The following GBX1 variants were observed in gnomAD, a reference collection of about 807,000 sequenced individuals.
GBX1 encodes the protein homeobox protein GBX-1.
A neutral mutation model predicts 22.9 loss-of-function variants in GBX1; 9 were observed. The observed-to-expected ratio is 0.39, with a 90% CI of 0.24 to 0.69. The LOEUF (loss-of-function observed/expected upper bound fraction) is 0.69, where lower values mean the gene tolerates loss of function less well. Among genes scored for constraint, GBX1 ranks in the 30% least tolerant of loss-of-function variants. The pLI, the probability that GBX1 is intolerant of heterozygous loss-of-function variation, is 0.43. For synonymous variants in GBX1, 203 were observed against 227.3 expected, an observed-to-expected ratio of 0.89 and a Z score of 0.96; for missense variants, 494 against 509.2, an observed-to-expected ratio of 0.97 and a Z score of 0.29.
In GBX1 at chr7:151,167,000, C is replaced by G; in HGVS notation, c.538+11G>C. 6.2e-7 allele frequency: 1 copy of G among 1,605,606 alleles called. No individual in the cohort carries two copies. Among genetic ancestry groups the G allele is most frequent in the Non-Finnish European group, 8.5e-7 (1 of 1,177,266 alleles). On this transcript the variant is annotated intron_variant, in intron 1 of 1. Coordinates refer to ENST00000297537, the MANE Select transcript of GBX1 (RefSeq NM_001098834.3). Reference sequence around the variant, plus strand: ...GGCCTCCCGCCAGCCCTGGTCGGCCCTAGCACTTACCGGGCAGACTTGGAA... The same window carrying G: ...GGCCTCCCGCCAGCCCTGGTCGGCCGTAGCACTTACCGGGCAGACTTGGAA...
At chr7:151,155,197 C>T (rs1342557186) in intron 1 of GBX1, among the ~76,000 whole-genome samples, 6 of 152,320 alleles carry the variant, frequency 3.9e-5, no homozygotes, top group Admixed American at 2.0e-4. Context: ...TCTCCTGGTC[C>T]GCCCATCTTA....
intron 1 of GBX1, among the ~76,000 whole-genome samples, chr7:151,166,488 A>ACCCC (rs1491154351): frequency 4.4e-4 from 22 of 50,332 alleles, no homozygotes; most frequent in African/African-American, 9.3e-4. Flanking sequence ...CCCCCCCCCA[A>ACCCC]CACACACACA....
At chr7:151,152,954 A>C (rs1300766683) in intron 1 of GBX1, among the ~76,000 whole-genome samples, 3 of 152,212 alleles carry the variant, frequency 2.0e-5, no homozygotes, top group Non-Finnish European at 4.4e-5. Flanking sequence ...GGGGTGGGAC[A>C]ATAGAAGAAA....
At chr7:151,154,639 CT>C (rs1222906984) in intron 1 of GBX1, among the ~76,000 whole-genome samples, 1 of 152,108 alleles carries the variant, frequency 6.6e-6, no homozygotes, top group Non-Finnish European at 1.5e-5. Context: ...TGCTATTATC[CT>C]AAAAACTAGA....
Position 151,149,057 on chromosome 7 carries a change from G to A in GBX1, c.624C>T (p.Gly208=). The part of the protein sequence containing the change: ...DPAGSEQEEE[G]SGGDSEDDGF... ...CGTCATCCTCGCTGTCACCGCCTGA[G>A]CCCTCTTCCTCCTGTTCGCTGCCTG... Residue 208 remains glycine, a synonymous_variant, in exon 2 of 2, where the codon GGC becomes GGT. Coordinates refer to ENST00000297537, the MANE Select transcript of GBX1 (RefSeq NM_001098834.3). 6.2e-7 allele frequency: 1 copy of A among 1,613,812 alleles called. No homozygotes were observed. Among genetic ancestry groups the A allele is most frequent in the African/African-American group, 1.3e-5 (1 of 75,022 alleles).
intron 1 of GBX1, among the ~76,000 whole-genome samples, chr7:151,161,167 G>T (rs751958720): frequency 6.6e-6 from 1 of 152,060 alleles, no homozygotes; most frequent in Non-Finnish European, 1.5e-5. Context: ...CACAATGCAT[G>T]TTCTTCCTTC....
chr7:151,150,145 A>G (rs1801061331), intron 1 of GBX1: 2 of 304,556 alleles, frequency 6.6e-6, no homozygotes, highest in Admixed American at 9.7e-5. Context: ...AATCACAAGC[A>G]TATAAACATT....
chr7:151,154,142 G>A (rs1268667641), intron 1 of GBX1, among the ~76,000 whole-genome samples: 1 of 152,092 alleles, frequency 6.6e-6, no homozygotes, highest in African/African-American at 2.4e-5. Flanking sequence ...TGAGGCTGAG[G>A]CAGGATTGCA....
At chr7:151,161,476 G>GCC (rs1192957704) in intron 1 of GBX1, among the ~76,000 whole-genome samples, 1 of 152,082 alleles carries the variant, frequency 6.6e-6, no homozygotes, top group East Asian at 1.9e-4. Context: ...ACCCTTTTGT[G>GCC]CCCTTAAGTC....
intron 1 of GBX1, among the ~76,000 whole-genome samples, chr7:151,152,046 G>A (rs888901577): frequency 6.6e-6 from 1 of 152,090 alleles, no homozygotes; most frequent in East Asian, 1.9e-4. Flanking sequence ...TTTACTGGCT[G>A]TCTCTTCCTA....
chr7:151,164,984 CACAA>C (rs1323660710), intron 1 of GBX1, among the ~76,000 whole-genome samples: 7 of 151,804 alleles, frequency 4.6e-5, no homozygotes, highest in Non-Finnish European at 1.0e-4. Context: ...CACACACACA[CACAA>C]ACACACACAC....
chr7:151,166,742 A>G (rs1358890313), intron 1 of GBX1, among the ~76,000 whole-genome samples: 1 of 152,148 alleles, frequency 6.6e-6, no homozygotes, highest in Non-Finnish European at 1.5e-5. Flanking sequence ...GATGGCTAGG[A>G]TGCTGAGGGA....
At chr7:151,163,445 T>C (rs1466823784) in intron 1 of GBX1, among the ~76,000 whole-genome samples, 1 of 152,210 alleles carries the variant, frequency 6.6e-6, no homozygotes, top group Non-Finnish European at 1.5e-5. Flanking sequence ...AGATCCGTCA[T>C]GTTGAATACG....
intron 1 of GBX1, among the ~76,000 whole-genome samples, chr7:151,159,085 A>T (rs540532636): frequency 4.3e-5 from 6 of 140,836 alleles, no homozygotes; most frequent in African/African-American, 1.6e-4. Flanking sequence ...AAGTGTCTGA[A>T]TTTTTTTTTT....
chr7:151,164,793 T>C (rs1584806084), intron 1 of GBX1, among the ~76,000 whole-genome samples: 1 of 150,238 alleles, frequency 6.7e-6, no homozygotes, highest in East Asian at 2.0e-4. Context: ...TTTTTTTTTT[T>C]TTTGCTTTCA....
At chr7:151,160,893 C>T (rs1801182169) in intron 1 of GBX1, among the ~76,000 whole-genome samples, 1 of 152,182 alleles carries the variant, frequency 6.6e-6, no homozygotes, top group Non-Finnish European at 1.5e-5. Context: ...AGAGCTCTGT[C>T]CTTTTCACTG....
At chr7:151,156,939 C>T (rs907713831) in intron 1 of GBX1, among the ~76,000 whole-genome samples, 2 of 143,436 alleles carry the variant, frequency 1.4e-5, no homozygotes, top group East Asian at 2.1e-4. Flanking sequence ...GAGCAGAGAT[C>T]GCACAACTGT....
chr7:151,162,212 T>G (rs1345548072), intron 1 of GBX1, among the ~76,000 whole-genome samples: 2 of 152,174 alleles, frequency 1.3e-5, no homozygotes, highest in East Asian at 3.8e-4. Flanking sequence ...ATACTCTGGA[T>G]CTCCATCACT....
chr7:151,166,478 C>T (rs376902580), intron 1 of GBX1, among the ~76,000 whole-genome samples: 1 of 124,372 alleles, frequency 8.0e-6, no homozygotes, highest in South Asian at 2.7e-4. Flanking sequence ...GACGCAACCC[C>T]CCCCCCCCAA....
Sources: gnomAD v4.1 joint callset for allele counts (sites outside exome capture counted in the v4.1 genomes callset) on GRCh38, gnomAD v4.1.1 for gene constraint, MANE v1.5 for transcripts, NCBI Gene and HGNC (gene_info 2026-07-23, HGNC 2026-07-21) for gene names.